Variants in GUCY2D observed in about 807,000 individuals in gnomAD.
GUCY2D encodes guanylate cyclase 2D, retinal.
A neutral mutation model predicts 101.3 loss-of-function variants in GUCY2D; 70 were observed. The observed-to-expected ratio is 0.69, with a 90% CI of 0.57 to 0.84. The LOEUF (loss-of-function observed/expected upper bound fraction) is 0.84. GUCY2D is among the 40% of genes least tolerant of loss of function. The pLI, the probability that GUCY2D is intolerant of heterozygous loss-of-function variation, is 0.00. For missense variants in GUCY2D, 1,460 were observed against 1,542.5 expected (o/e 0.95, Z 0.90); for synonymous variants, 688 against 670.7 (o/e 1.03, Z -0.40).
chr17:8,003,596 C>G lies in GUCY2D; in HGVS notation c.549C>G (p.Arg183=). The change falls in exon 2 of 20, where the codon CGC becomes CGG. Residue 183 remains arginine, a synonymous_variant. Transcript: ENST00000254854. ...TGCTTCGCGCATTCGGCTGGGCGCG[C>G]GTGGCCCTGGTCACCGCCCCCCAGG... is the stretch of plus-strand genomic sequence containing the variant. ...YALLRAFGWA[R]VALVTAPQDL... is the part of the protein sequence containing the mutation. 1.3e-6 allele frequency: 2 copies of G among 1,587,088 alleles called. No individual in the cohort carries two copies. The highest frequency in any genetic ancestry group is 1.7e-6 in the Non-Finnish European group (2 of 1,173,092).
rs563790636 is a variant in GUCY2D at position 8,010,155 on chromosome 17, C to T, written c.1749+569C>T. On this transcript the variant is annotated intron_variant, in intron 8 of 19. Transcript: ENST00000254854. Reference sequence around the variant, plus strand: ...ACTGTAAGCTGAGTGAGGGCCTCCTCACTCCCCTCCATTGTAATCAAGCAC... The same window carrying T: ...ACTGTAAGCTGAGTGAGGGCCTCCTTACTCCCCTCCATTGTAATCAAGCAC... 1.9e-4 allele frequency among the ~76,000 whole-genome samples: 29 copies of T among 152,214 alleles called. 1 individual carries two copies. The South Asian group carries it at 5.2e-3, about 27-fold the overall frequency.
rs1377971968 is a variant in GUCY2D, at chr17:8,011,883, A to C, written c.1750-261A>C. Among the ~76,000 whole-genome samples the C allele has an allele frequency of 6.6e-6, 1 of 152,200 alleles. No homozygotes were observed. Among genetic ancestry groups the C allele is most frequent in the Non-Finnish European group, 1.5e-5 (1 of 68,022 alleles). The stretch of plus-strand genomic sequence containing the variant: ...CGAACCTGCCTGGGTCCTGATCACC[A>C]ATGCAAAGTTGTCTTTTCATTCACA... On this transcript the variant is annotated intron_variant, in intron 8 of 19. Coordinates refer to ENST00000254854, the MANE Select transcript of GUCY2D (RefSeq NM_000180.4). The surrounding 1 kb of genome is among the most constrained non-coding windows in gnomAD (Gnocchi z 4.3).
In GUCY2D at chr17:8,007,489, C is replaced by T. The variant is rs769018282; in HGVS notation, c.1527C>T (p.Asp509=). 1.2e-6 allele frequency: 2 copies of T among 1,612,852 alleles called. No homozygotes were observed. The highest frequency in any genetic ancestry group is 2.2e-5 in the East Asian group (1 of 44,874). ...ACAAGATCATCCTGACCGTGGACGA[C>T]ATCACCTTTCTCCACCCACATGGGG... ...GPNKIILTVD[D]ITFLHPHGGT... The change falls in exon 6 of 20, where the codon GAC becomes GAT. Residue 509 remains aspartate (D), a synonymous_variant. Coordinates refer to ENST00000254854, the MANE Select transcript of GUCY2D (RefSeq NM_000180.4).
At position 8,014,904 on chromosome 17, in the gene GUCY2D, G is replaced by C; in HGVS notation, c.2622G>C (p.Glu874Asp). The change falls in exon 14 of 20, where the codon GAG (glutamate) becomes GAC (aspartate). Residue 874 changes from glutamate to aspartate, a missense_variant. Coordinates refer to ENST00000254854, the MANE Select transcript of GUCY2D (RefSeq NM_000180.4). This position sits in a 1 kb window ranked among gnomAD's most constrained non-coding sequence, Gnocchi z 4.0. ...ALKTGTPVEPEYFEQVTLYFS... is the reference protein window; with the variant it reads ...ALKTGTPVEPDYFEQVTLYFS... The stretch of plus-strand genomic sequence containing the variant: ...AGACGGGGACACCAGTGGAGCCCGA[G>C]TACTTTGAGCAAGTGACACTGTACT... The C allele has an allele frequency of 6.2e-7, 1 of 1,614,156 alleles. No homozygotes were observed. Among genetic ancestry groups the C allele is most frequent in the Non-Finnish European group, 8.5e-7 (1 of 1,180,024 alleles).
At chr17:8,012,634 C>G (rs765431582) in intron 10 of GUCY2D, 28 bp downstream of exon 10, 1 of 1,582,556 alleles carries the variant, frequency 6.3e-7, no homozygotes, top group African/African-American at 1.3e-5. Flanking sequence ...AGACGAGGAT[C>G]CACCGGGATC....
At chr17:8,012,704 C>T in intron 10 of GUCY2D, 98 bp downstream of exon 10, 1 of 926,430 alleles carries the variant, frequency 1.1e-6, no homozygotes, top group African/African-American at 1.6e-5. Context: ...GCACTCTCTT[C>T]ATCCCACATC....
chr17:8,010,513 A>C (rs569288698), intron 8 of GUCY2D, among the ~76,000 whole-genome samples: 2 of 152,288 alleles, frequency 1.3e-5, no homozygotes, highest in South Asian at 2.1e-4. Context: ...CCAGGTGTTT[A>C]AAATGAAAAG....
chr17:8,017,179 G>A (rs986421666), intron 19 of GUCY2D, among the ~76,000 whole-genome samples: 1 of 152,220 alleles, frequency 6.6e-6, no homozygotes, highest in African/African-American at 2.4e-5. Context: ...CCTTGGGAAA[G>A]TGTCACGCAT....
chr17:8,007,025 G>T, intron 4 of GUCY2D, 35 bp from the exon 5 acceptor site: 8 of 1,549,992 alleles, frequency 5.2e-6, no homozygotes, highest in Non-Finnish European at 7.1e-6. Context: ...CCCTGGCATC[G>T]CTCCTCAGTA....
intron 3 of GUCY2D, 49 bp downstream of exon 3, chr17:8,004,205 C>T: frequency 1.3e-6 from 2 of 1,487,138 alleles, no homozygotes; most frequent in South Asian, 2.5e-5. Context: ...GGGGAGAGGA[C>T]AGCCAAAGCA....
In GUCY2D at chr17:8,014,459, G is replaced by A. The variant is rs542520858; in HGVS notation, c.2413-142G>A. Reference sequence around the variant, plus strand: ...AACACAGTGCCCAGCACCCCGGGGTGCTTGATGAATAGTAGATGAATGGTG... The same window carrying A: ...AACACAGTGCCCAGCACCCCGGGGTACTTGATGAATAGTAGATGAATGGTG... On this transcript the variant is annotated intron_variant, in intron 12 of 19. Transcript: ENST00000254854. The surrounding 1 kb of genome is among the most constrained non-coding windows in gnomAD (Gnocchi z 4.0). The A allele has an allele frequency of 5.0e-6, 4 of 802,472 alleles. No individual in the cohort carries two copies. The highest frequency in any genetic ancestry group is 8.7e-6 in the Non-Finnish European group (4 of 461,742). The allele number at this position is 802,472 out of a possible 1,614,324, so 49.7% of individuals were successfully genotyped here.
intron 8 of GUCY2D, among the ~76,000 whole-genome samples, chr17:8,010,918 G>C (rs934449634): frequency 3.3e-5 from 5 of 151,762 alleles, no homozygotes; most frequent in Non-Finnish European, 5.9e-5. Flanking sequence ...TTTTTTTCTA[G>C]CATGCCCCGA....
At chr17:8,016,966 C>G (rs997007524) in intron 19 of GUCY2D, 1 of 175,076 alleles carries the variant, frequency 5.7e-6, no homozygotes, top group Non-Finnish European at 1.2e-5. Context: ...CCGCTCCTTC[C>G]TAGGTGAACC....
In GUCY2D at chr17:8,013,376, T is replaced by A; in HGVS notation, c.2263+124T>A. ...AAACTCAATTATACGGAGGCCCCCT[T>A]AAAGCTGGCATCTGCAGGTCTGGGT... On this transcript the variant is annotated intron_variant, in intron 11 of 19. Coordinates refer to ENST00000254854, the MANE Select transcript of GUCY2D (RefSeq NM_000180.4). The surrounding 1 kb of genome is among the most constrained non-coding windows in gnomAD (Gnocchi z 5.0). 1 of 986,754 alleles carries A rather than the reference T, an allele frequency of 1.0e-6. No individual in the cohort carries two copies. The highest frequency in any genetic ancestry group is 1.6e-6 in the Non-Finnish European group (1 of 643,394). 61.1% of individuals were successfully genotyped at this position (986,754 alleles called of 1,614,324 possible). A position where few individuals can be genotyped will look rare whatever the true frequency, so the allele number is the denominator to read the frequency against.
At position 8,013,249 on chromosome 17, in the gene GUCY2D, G is replaced by T. The variant is rs747951577; in HGVS notation, c.2260G>T (p.Glu754Ter). 6.2e-7 allele frequency: 1 copy of T among 1,614,024 alleles called. No homozygotes were observed. The highest frequency in any genetic ancestry group is 1.1e-5 in the South Asian group (1 of 91,054). Residue 754 changes from glutamate to a stop codon, truncating the protein, a stop_gained, in exon 11 of 20, where the codon GAG (glutamate) becomes TAG (stop). Coordinates refer to ENST00000254854, the MANE Select transcript of GUCY2D (RefSeq NM_000180.4). LOFTEE classifies it high-confidence loss of function. This position sits in a 1 kb window ranked among gnomAD's most constrained non-coding sequence, Gnocchi z 5.0. ...TTATGCCATGCTGGAGCTCACTCCC[G>T]AGGGTAAGGCTGCCCTGTGCGTGGA... ...APYAMLELTP[E>*]EVVQRVRSPP... is the part of the protein sequence containing the mutation.
In GUCY2D at chr17:8,015,438, G is replaced by A. The variant is rs1236917298; in HGVS notation, c.2880G>A (p.Val960=). 6.2e-7 allele frequency: 1 copy of A among 1,613,214 alleles called. No individual in the cohort carries two copies. The highest frequency in any genetic ancestry group is 8.5e-7 in the Non-Finnish European group (1 of 1,179,342). ...ANMSLDILSA[V]GTFRMRHMPE... ...TGTCACTGGACATCCTCAGTGCCGT[G>A]GGCACTTTCCGCATGCGCCATATGC... The change falls in exon 15 of 20, where the codon GTG becomes GTA. Residue 960 remains valine, a synonymous_variant. Transcript: ENST00000254854.
chr17:8,009,489 C>T lies in GUCY2D; in HGVS notation c.1669-17C>T, dbSNP rs570329813. 9 of 1,564,338 alleles carry T rather than the reference C, an allele frequency of 5.8e-6. No individual in the cohort carries two copies. The African/African-American group carries it at 9.4e-5, about 16-fold the overall frequency. On this transcript the variant is annotated splice_polypyrimidine_tract_variant and intron_variant, in intron 7 of 19. Coordinates refer to ENST00000254854, the MANE Select transcript of GUCY2D (RefSeq NM_000180.4). ...TTTAAGAGACTGAGTTCCCTACCCC[C>T]ATCCTCTTTGCTGCAGGGAGACAGG...
At chr17:8,017,185 C>T (rs1019192463) in intron 19 of GUCY2D, among the ~76,000 whole-genome samples, 5 of 152,178 alleles carry the variant, frequency 3.3e-5, no homozygotes, top group Non-Finnish European at 4.4e-5. Flanking sequence ...GAAAGTGTCA[C>T]GCATGCTCTG....
intron 3 of GUCY2D, among the ~76,000 whole-genome samples, chr17:8,004,751 A>G (rs974694204): frequency 6.6e-6 from 1 of 152,330 alleles, no homozygotes. Flanking sequence ...AAGGGGGACT[A>G]GAAACCACTA....
Sources: allele counts gnomAD v4.1 joint callset (sites outside exome capture counted in the v4.1 genomes callset), GRCh38; gene constraint gnomAD v4.1.1; non-coding constraint Gnocchi (gnomAD v3.1); transcripts MANE v1.5; gene names NCBI Gene and HGNC (gene_info 2026-07-23, HGNC 2026-07-21).